WWOX: variants seen among roughly 807,000 people sequenced by gnomAD.
WWOX encodes WW domain containing oxidoreductase, also known as WW domain-containing oxidoreductase.
Under a neutral mutation model 46.2 loss-of-function variants are expected in WWOX, and 69 were observed. That is an observed-to-expected ratio of 1.49 (90% CI 1.23 to 1.82). WWOX has a LOEUF of 1.82. Ranked by LOEUF, WWOX falls within the 40% of genes most tolerant of loss-of-function variation. The pLI is 0.00. For missense variants in WWOX, 919 were observed against 542.6 expected (o/e 1.69, Z -6.89); for synonymous variants, 359 against 202.6 (o/e 1.77, Z -6.56).
intron 5 of WWOX, among the ~76,000 whole-genome samples, chr16:78,246,767 C>G (rs1186942564): frequency 6.6e-6 from 1 of 152,186 alleles, no homozygotes; most frequent in Non-Finnish European, 1.5e-5. Context: ...TAACCTTGTT[C>G]AGGTGGCGTG....
chr16:79,183,606 T>A (rs1460877009), intron 8 of WWOX, among the ~76,000 whole-genome samples: 1 of 152,222 alleles, frequency 6.6e-6, no homozygotes, highest in Non-Finnish European at 1.5e-5. Flanking sequence ...GTGTTCCTTA[T>A]ACTTAATAAC....
chr16:78,751,214 G>A (rs977116756), intron 8 of WWOX, among the ~76,000 whole-genome samples: 13 of 151,826 alleles, frequency 8.6e-5, no homozygotes, highest in East Asian at 7.7e-4. Flanking sequence ...TTTGTGTTTC[G>A]AACTACATAT....
At chr16:78,485,820 C>T (rs868118688) in intron 8 of WWOX, among the ~76,000 whole-genome samples, 7 of 152,182 alleles carry the variant, frequency 4.6e-5, no homozygotes, top group African/African-American at 1.2e-4. Flanking sequence ...TACTTTCCAC[C>T]GCCACTCCTG....
At chr16:78,924,643 T>C (rs2045457479) in intron 8 of WWOX, among the ~76,000 whole-genome samples, 2 of 152,246 alleles carry the variant, frequency 1.3e-5, no homozygotes, top group South Asian at 2.1e-4. Context: ...AGTGTTAATT[T>C]ACTCCACGAT....
intron 8 of WWOX, among the ~76,000 whole-genome samples, chr16:78,993,911 C>T (rs2046937986): frequency 6.6e-6 from 1 of 152,130 alleles, no homozygotes; most frequent in African/African-American, 2.4e-5. Context: ...GCATTATTTC[C>T]AGTGTATGTG....
At chr16:78,702,007 T>TTATATATATGTGTATATATATA (rs1555519490) in intron 8 of WWOX, among the ~76,000 whole-genome samples, 5 of 57,626 alleles carry the variant, frequency 8.7e-5, no homozygotes, top group African/African-American at 3.3e-4. Flanking sequence ...CTACATAAAA[T>TTATATATATGTGTATATATATA]TATATATATA....
intron 8 of WWOX, among the ~76,000 whole-genome samples, chr16:78,752,682 G>C (rs1429187910): frequency 2.0e-5 from 3 of 152,202 alleles, no homozygotes; most frequent in Non-Finnish European, 4.4e-5. Context: ...GTTTTCCCCT[G>C]AGAGTGGTTT....
rs148464929 is a variant in WWOX at position 79,195,508 on chromosome 16, G to A, written c.1057-16100G>A. On this transcript the variant is annotated intron_variant, in intron 8 of 8. Coordinates refer to ENST00000566780, the MANE Select transcript of WWOX (RefSeq NM_016373.4). Reference sequence around the variant, plus strand: ...GACAGCCTAGCATCTGAGGAAATGAGTGCCTCCTGGCCCAGAATGGGGGAT... The same window carrying A: ...GACAGCCTAGCATCTGAGGAAATGAATGCCTCCTGGCCCAGAATGGGGGAT... Among the ~76,000 whole-genome samples the A allele has an allele frequency of 9.1e-3, 1,384 of 152,268 alleles. 13 individuals carry two copies. Among genetic ancestry groups the A allele is most frequent in the Non-Finnish European group, 0.013 (875 of 68,036 alleles).
At chr16:79,097,509 C>T (rs576311880) in intron 8 of WWOX, among the ~76,000 whole-genome samples, 19 of 152,262 alleles carry the variant, frequency 1.2e-4, no homozygotes, top group South Asian at 2.1e-4. Context: ...GGCACCGCAG[C>T]GCTATCATAT....
chr16:78,602,673 C>T (rs1054457650), intron 8 of WWOX, among the ~76,000 whole-genome samples: 1 of 152,186 alleles, frequency 6.6e-6, no homozygotes, highest in African/African-American at 2.4e-5. Context: ...CTGTTCTGAT[C>T]ATTGTCATGA....
At chr16:79,091,409 G>C (rs556985093) in intron 8 of WWOX, among the ~76,000 whole-genome samples, 2 of 152,198 alleles carry the variant, frequency 1.3e-5, no homozygotes, top group South Asian at 4.1e-4. Flanking sequence ...AAGGCTGCCA[G>C]GCAGTAGCAA....
intron 8 of WWOX, among the ~76,000 whole-genome samples, chr16:78,610,176 T>A (rs771364612): frequency 3.3e-5 from 5 of 152,204 alleles, no homozygotes; most frequent in Admixed American, 6.5e-5. Context: ...TCGCTTGATA[T>A]ACCTTCCAAA....
At chr16:78,500,408 C>CTTTG (rs1940773519) in intron 8 of WWOX, among the ~76,000 whole-genome samples, 1 of 148,716 alleles carries the variant, frequency 6.7e-6, no homozygotes, top group East Asian at 1.9e-4. Flanking sequence ...TTTCTTCTTT[C>CTTTG]CTTCCTTCCT....
At chr16:78,476,498 C>G (rs1018164380) in intron 8 of WWOX, among the ~76,000 whole-genome samples, 1 of 151,986 alleles carries the variant, frequency 6.6e-6, no homozygotes, top group Non-Finnish European at 1.5e-5. Flanking sequence ...GGAGATATAC[C>G]TAATGTAAAT....
At chr16:79,025,431 G>C (rs1344200282) in intron 8 of WWOX, among the ~76,000 whole-genome samples, 1 of 152,190 alleles carries the variant, frequency 6.6e-6, no homozygotes, top group Non-Finnish European at 1.5e-5. Context: ...TAAATCCAAT[G>C]ACAGGTGTTT....
At chr16:78,144,413 G>T (rs2034093005) in intron 4 of WWOX, among the ~76,000 whole-genome samples, 1 of 85,072 alleles carries the variant, frequency 1.2e-5, no homozygotes, top group Non-Finnish European at 2.4e-5. Context: ...TGGTGCAAAC[G>T]TGGTTTTTGC....
At chr16:78,162,899 A>C (rs2034842570) in intron 4 of WWOX, among the ~76,000 whole-genome samples, 1 of 152,074 alleles carries the variant, frequency 6.6e-6, no homozygotes, top group Non-Finnish European at 1.5e-5. Context: ...CTATATGCTG[A>C]ATTCTTCTTT....
chr16:78,415,664 G>C (rs1407451239), intron 6 of WWOX, among the ~76,000 whole-genome samples: 1 of 152,140 alleles, frequency 6.6e-6, no homozygotes, highest in South Asian at 2.1e-4. Context: ...AGAAAGAGAC[G>C]GGGTAGTCAG....
chr16:78,401,117 G>T (rs958735612), intron 6 of WWOX, among the ~76,000 whole-genome samples: 1 of 152,198 alleles, frequency 6.6e-6, no homozygotes, highest in East Asian at 1.9e-4. Context: ...ATGTCCAGCT[G>T]CCTTGTTTTT....
Sources: allele counts gnomAD v4.1 joint callset (sites outside exome capture counted in the v4.1 genomes callset), GRCh38; gene constraint gnomAD v4.1.1; transcripts MANE v1.5; gene names NCBI Gene and HGNC (gene_info 2026-07-23, HGNC 2026-07-21).